PCDHGA4: variants seen among roughly 807,000 people sequenced by gnomAD.
The protein encoded by PCDHGA4 is protocadherin gamma-A4.
A neutral mutation model predicts 54.6 loss-of-function variants in PCDHGA4; 38 were observed. That is an observed-to-expected ratio of 0.70 (90% CI 0.54 to 0.91). The LOEUF (loss-of-function observed/expected upper bound fraction) is 0.91, where lower values mean the gene tolerates loss of function less well. PCDHGA4 is among the 40% of genes least tolerant of loss of function. The pLI is 0.00. For missense variants in PCDHGA4, 1,298 were observed against 1,220.9 expected, an observed-to-expected ratio of 1.06 and a Z score of -0.94; for synonymous variants, 511 against 512.9, an observed-to-expected ratio of 1.00 and a Z score of 0.05.
In PCDHGA4 at chr5:141,477,669, T is replaced by C; in HGVS notation, c.2515-17138T>C. Reference sequence around the variant, plus strand: ...TTCACAATAAATCGTGACAATGGCATAGTGTCATCCTTAGTGCCCCTAGAC... The same window carrying C: ...TTCACAATAAATCGTGACAATGGCACAGTGTCATCCTTAGTGCCCCTAGAC... On this transcript the variant is annotated intron_variant, in intron 1 of 3. Coordinates refer to ENST00000571252, the MANE Select transcript of PCDHGA4 (RefSeq NM_018917.4). This position sits in a 1 kb window ranked among gnomAD's most constrained non-coding sequence, Gnocchi z 4.9. 6.2e-7 allele frequency: 1 copy of C among 1,614,200 alleles called. No individual in the cohort carries two copies. Among genetic ancestry groups the C allele is most frequent in the Non-Finnish European group, 8.5e-7 (1 of 1,180,030 alleles).
At position 141,432,203 on chromosome 5, in the gene PCDHGA4, G is replaced by A. The variant is rs1282888078; in HGVS notation, c.2515-62604G>A. The A allele has an allele frequency of 3.1e-6, 5 of 1,614,062 alleles. No homozygotes were observed. The highest frequency in any genetic ancestry group is 1.3e-5 in the African/African-American group (1 of 74,920). ...TGTGACCGCCCACGACCCCGACTGT[G>A]AAGAGAACGCCCAGATCACTTATTC... On this transcript the variant is annotated intron_variant, in intron 1 of 3. Transcript: ENST00000571252. The surrounding 1 kb of genome is among the most constrained non-coding windows in gnomAD (Gnocchi z 6.0).
intron 1 of PCDHGA4, among the ~76,000 whole-genome samples, chr5:141,459,059 A>G (rs1219921155): frequency 2.6e-5 from 4 of 152,228 alleles, no homozygotes; most frequent in African/African-American, 4.8e-5. Context: ...AGTATAATTT[A>G]TATAACATAA....
intron 1 of PCDHGA4, among the ~76,000 whole-genome samples, chr5:141,468,246 A>G (rs2099161183): frequency 6.7e-6 from 1 of 149,754 alleles, no homozygotes; most frequent in South Asian, 2.1e-4. Context: ...AATTGCCTGA[A>G]CCTGGGAGGC....
chr5:141,413,815 C>T (rs1357769705), intron 1 of PCDHGA4: 11 of 1,613,224 alleles, frequency 6.8e-6, no homozygotes, highest in Non-Finnish European at 8.5e-6. Flanking sequence ...CATTCACCAC[C>T]TGGTCCTCAC....
chr5:141,422,349 T>C (rs768693451), intron 1 of PCDHGA4: 95 of 1,554,604 alleles, frequency 6.1e-5, no homozygotes, highest in Non-Finnish European at 8.2e-5. Flanking sequence ...ATGTGCAAGA[T>C]CAAGATTCTG....
Position 141,387,312 on chromosome 5 carries a change from G to A in PCDHGA4, c.2514+29691G>A, listed in dbSNP as rs576543135. Reference sequence around the variant, plus strand: ...AAAATGTATCCAGTATATTTCTAATGAGTAAGTATGGAAAATTACTGTACT... The same window carrying A: ...AAAATGTATCCAGTATATTTCTAATAAGTAAGTATGGAAAATTACTGTACT... On this transcript the variant is annotated intron_variant, in intron 1 of 3. Transcript: ENST00000571252. Among the ~76,000 whole-genome samples, 3 of 152,338 alleles carry A rather than the reference G, an allele frequency of 2.0e-5. No homozygotes were observed. The East Asian group carries it at 5.8e-4, about 29-fold the overall frequency.
chr5:141,361,707 G>A lies in PCDHGA4; in HGVS notation c.2514+4086G>A. On this transcript the variant is annotated intron_variant, in intron 1 of 3. Transcript: ENST00000571252. Reference sequence around the variant, plus strand: ...CGCAGCGCGCCTTCGATCATGAGCAGCTGCGCGCCTTCGAGCTCACACTGC... The same window carrying A: ...CGCAGCGCGCCTTCGATCATGAGCAACTGCGCGCCTTCGAGCTCACACTGC... The A allele has an allele frequency of 1.9e-6, 3 of 1,613,422 alleles. No individual in the cohort carries two copies. In the South Asian group the frequency reaches 3.3e-5, roughly 18 times the overall value.
intron 1 of PCDHGA4, chr5:141,384,444 C>G (rs751427123): frequency 1.9e-6 from 3 of 1,613,906 alleles, no homozygotes; most frequent in Non-Finnish European, 2.5e-6. Context: ...GAGTCCTGTA[C>G]GCGCTGCAAT....
At chr5:141,369,987 G>T (rs1363490934) in intron 1 of PCDHGA4, among the ~76,000 whole-genome samples, 1 of 152,174 alleles carries the variant, frequency 6.6e-6, no homozygotes, top group Non-Finnish European at 1.5e-5. Context: ...GATTTGGATG[G>T]ATAAAGCTCA....
Position 141,491,508 on chromosome 5 carries a change from G to A in PCDHGA4, c.2515-3299G>A. The A allele has an allele frequency of 6.2e-7, 1 of 1,614,030 alleles. No individual in the cohort carries two copies. The highest frequency in any genetic ancestry group is 8.5e-7 in the Non-Finnish European group (1 of 1,180,014). The stretch of plus-strand genomic sequence containing the variant: ...ACCTGCAGGTGAGCTCGGACGGCAC[G>A]CTCAAGTACATGGAGGTGACGCTGC... On this transcript the variant is annotated intron_variant, in intron 1 of 3. Transcript: ENST00000571252. This position sits in a 1 kb window ranked among gnomAD's most constrained non-coding sequence, Gnocchi z 6.9.
At chr5:141,502,864 G>GTTTTTTTT in intron 2 of PCDHGA4, among the ~76,000 whole-genome samples, 3 of 61,566 alleles carry the variant, frequency 4.9e-5, no homozygotes, top group African/African-American at 2.4e-4. Context: ...CTGACTCTCT[G>GTTTTTTTT]TCTTTTTTTT....
chr5:141,421,222 C>G, intron 1 of PCDHGA4: 2 of 1,576,946 alleles, frequency 1.3e-6, no homozygotes, highest in Non-Finnish European at 1.7e-6. Flanking sequence ...CGGCTTAGAG[C>G]CTGCCATGGC....
At chr5:141,392,303 A>G (rs2092505903) in intron 1 of PCDHGA4, 1 of 151,852 alleles carries the variant, frequency 6.6e-6, no homozygotes, top group South Asian at 2.1e-4. Context: ...TGAAAGTATC[A>G]TGTTTTTTTT....
At chr5:141,497,209 TG>T (rs11343387) in intron 2 of PCDHGA4, among the ~76,000 whole-genome samples, 90,704 of 151,262 alleles carry the variant, frequency 0.6, 29,397 homozygotes, top group African/African-American at 0.86. Context: ...GTGAGTGTAA[TG>T]GGGGGGGGAA....
chr5:141,373,898 A>G (rs1039826496), intron 1 of PCDHGA4: 7 of 541,044 alleles, frequency 1.3e-5, no homozygotes, highest in African/African-American at 1.2e-4. Context: ...CTCAAGTTAC[A>G]TCCTCCAACA....
intron 1 of PCDHGA4, chr5:141,413,180 C>T: frequency 6.2e-7 from 1 of 1,602,612 alleles, no homozygotes; most frequent in Non-Finnish European, 8.5e-7. Flanking sequence ...ACTACAATGG[C>T]CGCTCAAAGG....
chr5:141,403,623 G>A (rs765775423), intron 1 of PCDHGA4: 1 of 1,613,898 alleles, frequency 6.2e-7, no homozygotes, highest in South Asian at 1.1e-5. Context: ...CGTCGCTCCA[G>A]CACAGTGCGC....
chr5:141,474,557 G>A (rs1261720500), intron 1 of PCDHGA4, among the ~76,000 whole-genome samples: 1 of 152,184 alleles, frequency 6.6e-6, no homozygotes, highest in African/African-American at 2.4e-5. Context: ...AAAACTGGGG[G>A]TTTTCAGAGA....
rs770322971 is a variant in PCDHGA4 at position 141,355,593 on chromosome 5, C to T, written c.486C>T (p.Pro162=). The T allele has an allele frequency of 1.2e-6, 2 of 1,613,990 alleles. No homozygotes were observed. Among genetic ancestry groups the T allele is most frequent in the Admixed American group, 1.7e-5 (1 of 60,032 alleles). ...VEIIDVNDNP[P]SFGTEQREIK... ...TAATCGATGTTAATGATAACCCACC[C>T]AGTTTTGGGACAGAACAGAGGGAAA... The change falls in exon 1 of 4, where the codon CCC becomes CCT. Residue 162 remains proline, a synonymous_variant. Coordinates refer to ENST00000571252, the MANE Select transcript of PCDHGA4 (RefSeq NM_018917.4).
Sources: gnomAD v4.1 joint callset for allele counts (sites outside exome capture counted in the v4.1 genomes callset) on GRCh38, gnomAD v4.1.1 for gene constraint, Gnocchi (gnomAD v3.1) non-coding constraint, MANE v1.5 for transcripts, NCBI Gene and HGNC (gene_info 2026-07-23, HGNC 2026-07-21) for gene names.